Variants in NNT observed in about 807,000 individuals in gnomAD.
NNT encodes nicotinamide nucleotide transhydrogenase.
In NNT, 50 loss-of-function variants were observed where a neutral mutation model predicts 104.8. That is an observed-to-expected ratio of 0.48 (90% CI 0.38 to 0.60). The LOEUF is 0.60. Ranked by LOEUF, NNT falls within the 20% of genes least tolerant of loss-of-function variation. NNT has a pLI of 0.00. For missense variants in NNT, 1,131 were observed against 1,330.7 expected, an observed-to-expected ratio of 0.85 and a Z score of 2.33; for synonymous variants, 461 against 490.4, an observed-to-expected ratio of 0.94 and a Z score of 0.79.
chr5:43,674,683 T>C lies in NNT; in HGVS notation c.2635-828T>C, dbSNP rs141674578. 2.5e-3 allele frequency among the ~76,000 whole-genome samples: 374 copies of C among 152,302 alleles called. 1 individual carries two copies. The highest frequency in any genetic ancestry group is 8.4e-3 in the African/African-American group (348 of 41,552). ...ATTACTCAGAACAACTAGTTTTTTT[T>C]CCCCTTTCTTTTACTACCCCACCTC... On this transcript the variant is annotated intron_variant, in intron 17 of 21. Coordinates refer to ENST00000344920, the MANE Select transcript of NNT (RefSeq NM_182977.3).
intron 19 of NNT, among the ~76,000 whole-genome samples, chr5:43,699,756 A>T (rs112091679): frequency 4.2e-4 from 64 of 152,324 alleles, no homozygotes; most frequent in Admixed American, 7.2e-4. Flanking sequence ...CAGGCTAGGT[A>T]AATAGGTTTT....
chr5:43,700,156 C>T lies in NNT; in HGVS notation c.2914C>T (p.Gln972Ter). 1 of 1,613,104 alleles carries T rather than the reference C, an allele frequency of 6.2e-7. No individual in the cohort carries two copies. Among genetic ancestry groups the T allele is most frequent in the Admixed American group, 1.7e-5 (1 of 59,902 alleles). Residue 972 changes from glutamine (Q) to a stop codon, truncating the protein, a stop_gained, in exon 20 of 22, where the codon CAG becomes TAG. Coordinates refer to ENST00000344920, the MANE Select transcript of NNT (RefSeq NM_182977.3). LOFTEE classifies it high-confidence loss of function. ...IHPVAGRMPG[Q>*]LNVLLAEAGV... ...CCCAGTTGCAGGCCGAATGCCTGGT[C>T]AGCTTAATGTGCTGCTGGCTGAGGC...
chr5:43,603,824 G>T (rs1266165685), intron 1 of NNT, among the ~76,000 whole-genome samples: 1 of 152,028 alleles, frequency 6.6e-6, no homozygotes, highest in African/African-American at 2.4e-5. Context: ...AGGAGATTGC[G>T]AGCACAAATT....
chr5:43,666,082 G>A (rs539321890), intron 17 of NNT, among the ~76,000 whole-genome samples: 3 of 151,702 alleles, frequency 2.0e-5, no homozygotes, highest in Non-Finnish European at 4.4e-5. Flanking sequence ...GATGACGGCC[G>A]GGAAGAGGCG....
chr5:43,698,450 G>C (rs969755811), intron 19 of NNT, among the ~76,000 whole-genome samples: 13 of 152,010 alleles, frequency 8.6e-5, no homozygotes, highest in African/African-American at 3.1e-4. Flanking sequence ...GTGGGTGTCT[G>C]GGAGTGTGCC....
intron 19 of NNT, among the ~76,000 whole-genome samples, chr5:43,691,798 A>G (rs1031537618): frequency 5.9e-5 from 9 of 152,246 alleles, no homozygotes; most frequent in African/African-American, 2.2e-4. Context: ...AAAAATAATC[A>G]CACGCTAGGG....
intron 19 of NNT, among the ~76,000 whole-genome samples, chr5:43,682,716 C>A (rs1741789175): frequency 1.3e-5 from 2 of 152,150 alleles, no homozygotes; most frequent in South Asian, 4.1e-4. Context: ...CATTATTTAG[C>A]AGTTTCATGT....
chr5:43,680,213 G>A (rs1035006263), intron 19 of NNT, among the ~76,000 whole-genome samples: 3 of 152,074 alleles, frequency 2.0e-5, no homozygotes, highest in Middle Eastern at 3.4e-3. Flanking sequence ...CTTTTCACAG[G>A]AGAAATGCAA....
upstream of NNT, chr5:43,603,159 G>C (rs1464910953): frequency 6.6e-6 from 1 of 152,622 alleles, no homozygotes; most frequent in Non-Finnish European, 1.5e-5. Flanking sequence ...TCACGTGGCC[G>C]CCCGCCGCCG....
chr5:43,669,156 C>T (rs967686741), intron 17 of NNT, among the ~76,000 whole-genome samples: 11 of 152,070 alleles, frequency 7.2e-5, no homozygotes, highest in Non-Finnish European at 1.5e-5. Context: ...GCTGAAGTTG[C>T]TTATCAGCTT....
chr5:43,657,143 C>A (rs1337146402), intron 16 of NNT, among the ~76,000 whole-genome samples: 1 of 152,174 alleles, frequency 6.6e-6, no homozygotes, highest in Non-Finnish European at 1.5e-5. Context: ...TACTATATGA[C>A]AAGCCCTACA....
In NNT at chr5:43,612,953, T is replaced by G; in HGVS notation, c.197T>G (p.Phe66Cys). ...QLTVGVPKEI[F>C]QNEKRVALSP... The stretch of plus-strand genomic sequence containing the variant: ...ACTGTTGGAGTCCCCAAAGAGATAT[T>G]CCAAAATGAGAAGCGAGTGGCATTG... Residue 66 changes from phenylalanine (F) to cysteine (C), a missense_variant, in exon 3 of 22, where the codon TTC becomes TGC. Physicochemically the swap from Phe to Cys is radical, Grantham distance 205 (BLOSUM62 -2). Coordinates refer to ENST00000344920, the MANE Select transcript of NNT (RefSeq NM_182977.3). 1 of 1,614,176 alleles carries G rather than the reference T, an allele frequency of 6.2e-7. No homozygotes were observed. The highest frequency in any genetic ancestry group is 8.5e-7 in the Non-Finnish European group (1 of 1,180,026).
chr5:43,653,497 G>A (rs951967217), intron 14 of NNT: 5 of 271,276 alleles, frequency 1.8e-5, no homozygotes, highest in African/African-American at 9.0e-5. Flanking sequence ...GAATCCTTAT[G>A]TATGTACTAT....
At chr5:43,644,418 G>A (rs547494541) in intron 8 of NNT, 93 bp downstream of exon 8, 1 of 1,480,198 alleles carries the variant, frequency 6.8e-7, no homozygotes, top group Non-Finnish European at 9.2e-7. Flanking sequence ...AGACATTAAG[G>A]CTTGAAATTT....
At chr5:43,694,885 G>A (rs937756243) in intron 19 of NNT, among the ~76,000 whole-genome samples, 3 of 151,988 alleles carry the variant, frequency 2.0e-5, no homozygotes, top group Non-Finnish European at 4.4e-5. Flanking sequence ...AATGGTACCA[G>A]CTCTTCTTTG....
In NNT at chr5:43,653,964, A is replaced by G. The variant is rs969286341; in HGVS notation, c.2059+751A>G. On this transcript the variant is annotated intron_variant, in intron 14 of 21. Transcript: ENST00000344920. ...AGCGAGACTCTGTCTCAAAAAAAAA[A>G]AAAAAATTTTTTTTCCAGGAATTTT... Among the ~76,000 whole-genome samples, 3 of 152,122 alleles carry G rather than the reference A, an allele frequency of 2.0e-5. 1 individual carries two copies. The East Asian group carries it at 5.8e-4, about 29-fold the overall frequency.
chr5:43,649,421 C>T, intron 11 of NNT, 113 bp downstream of exon 11: 2 of 1,217,876 alleles, frequency 1.6e-6, no homozygotes, highest in Non-Finnish European at 1.2e-6. Context: ...TGCTTGGCAT[C>T]TGAGTCATCT....
At chr5:43,700,666 G>GT (rs1742802140) in intron 20 of NNT, among the ~76,000 whole-genome samples, 1 of 152,112 alleles carries the variant, frequency 6.6e-6, no homozygotes, top group African/African-American at 2.4e-5. Context: ...TTGTACTAAC[G>GT]TATGACTGGT....
intron 5 of NNT, 82 bp from the exon 6 acceptor site, chr5:43,623,950 T>C (rs1005379476): frequency 7.8e-7 from 1 of 1,274,866 alleles, no homozygotes; most frequent in East Asian, 2.3e-5. Flanking sequence ...AAACTTATAC[T>C]AGGCACCAAT....
Sources: gnomAD v4.1 joint callset for allele counts (sites outside exome capture counted in the v4.1 genomes callset) on GRCh38, gnomAD v4.1.1 for gene constraint, MANE v1.5 for transcripts, NCBI Gene and HGNC (gene_info 2026-07-23, HGNC 2026-07-21) for gene names.